Variants in SLC22A24 observed in about 807,000 individuals in gnomAD.
The protein encoded by SLC22A24 is solute carrier family 22 member 24.
In SLC22A24, 53 loss-of-function variants were observed where a neutral mutation model predicts 49.8. That is an observed-to-expected ratio of 1.06 (90% CI 0.85 to 1.34). SLC22A24 has a LOEUF of 1.34. Ranked by LOEUF, SLC22A24 falls within the 40% of genes most tolerant of loss-of-function variation. The pLI, the probability that SLC22A24 is intolerant of heterozygous loss-of-function variation, is 0.00. For missense variants in SLC22A24, 786 were observed against 675.9 expected (o/e 1.16, Z -1.81); for synonymous variants, 302 against 256.4 (o/e 1.18, Z -1.70).
intron 4 of SLC22A24, among the ~76,000 whole-genome samples, chr11:63,118,054 G>A (rs937221098): frequency 1.3e-5 from 2 of 152,172 alleles, no homozygotes; most frequent in African/African-American, 2.4e-5. Flanking sequence ...TATGAGGGGA[G>A]CCTTCTCACA....
intron 5 of SLC22A24, among the ~76,000 whole-genome samples, chr11:63,102,062 T>A (rs1399734958): frequency 6.6e-6 from 1 of 152,128 alleles, no homozygotes; most frequent in African/African-American, 2.4e-5. Context: ...AATAATATAT[T>A]GTACATTTAA....
At chr11:63,080,029 A>G in intron 9 of SLC22A24, 29 bp from the exon 10 acceptor site, 19 of 1,407,774 alleles carry the variant, frequency 1.3e-5, no homozygotes, top group Non-Finnish European at 1.9e-5. Context: ...AACAAAAACA[A>G]GATTAAGAAA....
intron 1 of SLC22A24, among the ~76,000 whole-genome samples, chr11:63,141,955 G>GT (rs143630596): frequency 0.041 from 6,247 of 150,914 alleles, 414 homozygotes; most frequent in African/African-American, 0.14. Context: ...TGTTCTTGAT[G>GT]TTTTTTTTTC....
intron 6 of SLC22A24, among the ~76,000 whole-genome samples, chr11:63,090,161 C>G (rs954128913): frequency 6.8e-6 from 1 of 147,444 alleles, no homozygotes; most frequent in Admixed American, 6.8e-5. Flanking sequence ...GAAGAGCTAA[C>G]TATCCTAAAT....
intron 2 of SLC22A24, among the ~76,000 whole-genome samples, chr11:63,132,646 A>T (rs148781039): frequency 1.3e-5 from 2 of 152,134 alleles, no homozygotes; most frequent in African/African-American, 2.4e-5. Context: ...AGAACAGCAA[A>T]TATTGCTGCC....
chr11:63,085,671 G>C (rs2086983118), intron 6 of SLC22A24, among the ~76,000 whole-genome samples: 2 of 152,180 alleles, frequency 1.3e-5, no homozygotes, highest in South Asian at 4.1e-4. Flanking sequence ...GCAGAGTTTA[G>C]ATCTTAATGC....
In SLC22A24 at chr11:63,118,803, A is replaced by G. The variant is rs2087229713; in HGVS notation, c.830+109T>C. ...TGACACAATAGGTACTATGGACATC[A>G]TGGCTCAGGACTAGGCCAGAGACCG... On this transcript the variant is annotated intron_variant, in intron 4 of 9. Coordinates refer to ENST00000612278, the MANE Select transcript of SLC22A24 (RefSeq NM_001136506.2). The G allele has an allele frequency of 5.2e-6, 6 of 1,154,578 alleles. No homozygotes were observed. In the Admixed American group the frequency reaches 1.2e-4, roughly 23 times the overall value. The allele number at this position is 1,154,578 out of a possible 1,614,324, so 71.5% of individuals were successfully genotyped here. A position where few individuals can be genotyped will look rare whatever the true frequency, so the allele number is the denominator to read the frequency against.
intron 2 of SLC22A24, among the ~76,000 whole-genome samples, chr11:63,123,763 C>G (rs1009653168): frequency 2.6e-5 from 4 of 152,168 alleles, no homozygotes; most frequent in Admixed American, 6.6e-5. Context: ...ATCAGCAACT[C>G]TTATTGTCTC....
chr11:63,090,750 T>C (rs1166838687), intron 6 of SLC22A24, among the ~76,000 whole-genome samples: 2 of 150,950 alleles, frequency 1.3e-5, no homozygotes, highest in East Asian at 1.9e-4. Context: ...AGACCCCAAG[T>C]ACCAGAATCT....
chr11:63,123,626 G>T (rs1171333007), intron 2 of SLC22A24, among the ~76,000 whole-genome samples: 1 of 152,070 alleles, frequency 6.6e-6, no homozygotes, highest in Non-Finnish European at 1.5e-5. Context: ...TTTCTTTCTA[G>T]TCTTCTCTCA....
At chr11:63,097,200 G>T (rs1220719952) in intron 5 of SLC22A24, among the ~76,000 whole-genome samples, 1 of 146,484 alleles carries the variant, frequency 6.8e-6, no homozygotes, top group African/African-American at 2.5e-5. Flanking sequence ...CTAATATCCA[G>T]AATCTACAAG....
intron 4 of SLC22A24, among the ~76,000 whole-genome samples, chr11:63,112,714 G>A (rs534543709): frequency 3.9e-5 from 6 of 151,916 alleles, no homozygotes; most frequent in African/African-American, 1.4e-4. Context: ...TTTTAACTGG[G>A]GCATTTAGCC....
chr11:63,093,100 A>G (rs948327756), intron 6 of SLC22A24, among the ~76,000 whole-genome samples: 2 of 152,246 alleles, frequency 1.3e-5, no homozygotes, highest in Admixed American at 1.3e-4. Context: ...GCTCATCGTC[A>G]CTGGTCATTA....
At chr11:63,087,024 G>GCGCGCACACACACACACA (rs376936925) in intron 6 of SLC22A24, among the ~76,000 whole-genome samples, 37 of 132,552 alleles carry the variant, frequency 2.8e-4, no homozygotes, top group Admixed American at 1.6e-3. Context: ...CCTGGAGGGC[G>GCGCGCACACACACACACA]CACACACACA....
At chr11:63,088,390 C>CAACATCAACATCAACATCAACATG (rs2087000102) in intron 6 of SLC22A24, among the ~76,000 whole-genome samples, 1 of 151,844 alleles carries the variant, frequency 6.6e-6, no homozygotes, top group Non-Finnish European at 1.5e-5. Flanking sequence ...ACATCAACAT[C>CAACATCAACATCAACATCAACATG]AACATAAAGG....
At chr11:63,135,618 A>G (rs2087368445) in intron 1 of SLC22A24, among the ~76,000 whole-genome samples, 1 of 152,332 alleles carries the variant, frequency 6.6e-6, no homozygotes, top group South Asian at 2.1e-4. Flanking sequence ...GTTATCAGTC[A>G]TTGCAATGGA....
chr11:63,093,050 C>T (rs1323110641), intron 6 of SLC22A24, among the ~76,000 whole-genome samples: 1 of 152,086 alleles, frequency 6.6e-6, no homozygotes, highest in Non-Finnish European at 1.5e-5. Context: ...AGACATTTCT[C>T]AAAAGAAGAC....
intron 6 of SLC22A24, among the ~76,000 whole-genome samples, chr11:63,085,453 TA>T (rs1255464034): frequency 6.6e-6 from 1 of 152,152 alleles, no homozygotes; most frequent in East Asian, 1.9e-4. Context: ...AATAGTACAT[TA>T]AAAAATATAA....
rs975470301 is a variant in SLC22A24, at chr11:63,111,634, T to C, written c.830+7278A>G. Among the ~76,000 whole-genome samples, 377 of 150,556 alleles carry C rather than the reference T, an allele frequency of 2.5e-3. 1 individual carries two copies. Among genetic ancestry groups the C allele is most frequent in the African/African-American group, 8.3e-3 (342 of 41,430 alleles). On this transcript the variant is annotated intron_variant, in intron 4 of 9. Transcript: ENST00000612278. ...TCTTCTAGATTTTCTAGTTTATTTGTGTAGAGGTGTTTGTAGTATTCTCTG... is the reference window on the plus strand; with the variant it reads ...TCTTCTAGATTTTCTAGTTTATTTGCGTAGAGGTGTTTGTAGTATTCTCTG...
Sources: gnomAD v4.1 joint callset for allele counts (sites outside exome capture counted in the v4.1 genomes callset) on GRCh38, gnomAD v4.1.1 for gene constraint, MANE v1.5 for transcripts, NCBI Gene and HGNC (gene_info 2026-07-23, HGNC 2026-07-21) for gene names.